GLYATL2: variants seen among roughly 807,000 people sequenced by gnomAD.
The protein encoded by GLYATL2 is glycine-N-acyltransferase like 2.
A neutral mutation model predicts 21.4 loss-of-function variants in GLYATL2; 25 were observed. The observed-to-expected ratio is 1.17, with a 90% CI of 0.85 to 1.63. The LOEUF (loss-of-function observed/expected upper bound fraction) is 1.63, where lower values mean the gene tolerates loss of function less well. Among genes scored for constraint, GLYATL2 ranks in the 40% most tolerant of loss-of-function variants. GLYATL2 has a pLI of 0.00. For missense variants in GLYATL2, 361 were observed against 343.3 expected (o/e 1.05, Z -0.41); for synonymous variants, 114 against 118.2 (o/e 0.96, Z 0.23).
At chr11:58,886,616 G>A (rs961915650) in intron 1 of GLYATL2, among the ~76,000 whole-genome samples, 2 of 152,196 alleles carry the variant, frequency 1.3e-5, no homozygotes, top group African/African-American at 4.8e-5. Flanking sequence ...ATTTTAAATA[G>A]TATCTACCAG....
intron 1 of GLYATL2, among the ~76,000 whole-genome samples, chr11:58,883,280 C>G (rs1388439187): frequency 2.0e-5 from 3 of 151,992 alleles, no homozygotes; most frequent in Non-Finnish European, 4.4e-5. Flanking sequence ...AATCCAGGAG[C>G]TGGTTTTTTG....
At chr11:58,880,215 T>G (rs1854309025) in intron 1 of GLYATL2, among the ~76,000 whole-genome samples, 1 of 152,110 alleles carries the variant, frequency 6.6e-6, no homozygotes, top group Non-Finnish European at 1.5e-5. Flanking sequence ...AGCTTCCTAA[T>G]TTAAAAAAGA....
chr11:58,871,970 A>T (rs1472213444), intron 1 of GLYATL2, among the ~76,000 whole-genome samples: 1 of 152,050 alleles, frequency 6.6e-6, no homozygotes, highest in Non-Finnish European at 1.5e-5. Context: ...TTTAATGATC[A>T]CCATTCTAAC....
intron 1 of GLYATL2, among the ~76,000 whole-genome samples, chr11:58,856,099 A>C (rs932616947): frequency 3.9e-5 from 6 of 152,162 alleles, no homozygotes; most frequent in Non-Finnish European, 8.8e-5. Flanking sequence ...GCACCACTGC[A>C]TTCCAGCCTG....
intron 1 of GLYATL2, among the ~76,000 whole-genome samples, chr11:58,903,731 T>A (rs1375513159): frequency 6.6e-6 from 1 of 152,204 alleles, no homozygotes. Flanking sequence ...ATTACCATCA[T>A]AAGTCCTAGT....
At chr11:58,900,251 A>G (rs1174243802) in intron 1 of GLYATL2, among the ~76,000 whole-genome samples, 1 of 152,226 alleles carries the variant, frequency 6.6e-6, no homozygotes, top group Non-Finnish European at 1.5e-5. Context: ...AATCCTGACA[A>G]AGCAGCCTCT....
chr11:58,853,633 C>G (rs1219859391), intron 1 of GLYATL2, among the ~76,000 whole-genome samples: 28 of 152,106 alleles, frequency 1.8e-4, no homozygotes, highest in Admixed American at 1.8e-3. Context: ...GACTCTGAAA[C>G]AAATCTATGT....
intron 1 of GLYATL2, chr11:58,893,412 T>G (rs1357882832): frequency 4.2e-6 from 1 of 235,986 alleles, no homozygotes; most frequent in Non-Finnish European, 9.4e-6. Context: ...TGGCCACCTG[T>G]GAGTGGCACC....
At chr11:58,883,787 T>A (rs893541779) in intron 1 of GLYATL2, among the ~76,000 whole-genome samples, 3 of 152,156 alleles carry the variant, frequency 2.0e-5, no homozygotes, top group Non-Finnish European at 4.4e-5. Flanking sequence ...TAGACCAATA[T>A]ACCAGATGAA....
intron 1 of GLYATL2, among the ~76,000 whole-genome samples, chr11:58,884,421 GACAA>G (rs1415918675): frequency 6.6e-6 from 1 of 152,150 alleles, no homozygotes; most frequent in Non-Finnish European, 1.5e-5. Flanking sequence ...ACCAATAACA[GACAA>G]ACAGAGAGCC....
At chr11:58,871,873 T>C (rs964660079) in intron 1 of GLYATL2, among the ~76,000 whole-genome samples, 3 of 152,234 alleles carry the variant, frequency 2.0e-5, no homozygotes. Context: ...TCTTCCACAA[T>C]GGTTGAACTA....
chr11:58,870,061 T>A (rs1048017329), intron 1 of GLYATL2, among the ~76,000 whole-genome samples: 2 of 151,918 alleles, frequency 1.3e-5, no homozygotes, highest in Admixed American at 6.6e-5. Flanking sequence ...TGAGTTATGA[T>A]CCAGCCACTG....
chr11:58,891,618 A>G (rs1347431422), intron 1 of GLYATL2, among the ~76,000 whole-genome samples: 1 of 152,230 alleles, frequency 6.6e-6, no homozygotes, highest in Non-Finnish European at 1.5e-5. Context: ...ACCCTCTAGG[A>G]CACTACAGAT....
At chr11:58,841,012 T>C (rs1432725820) in intron 1 of GLYATL2, among the ~76,000 whole-genome samples, 3 of 151,996 alleles carry the variant, frequency 2.0e-5, no homozygotes, top group Non-Finnish European at 4.4e-5. Flanking sequence ...ATATGAACTT[T>C]TGAACTTTCT....
Position 58,838,291 on chromosome 11 carries a change from G to T in GLYATL2, c.156C>A (p.Tyr52Ter). 1 of 1,613,018 alleles carries T rather than the reference G, an allele frequency of 6.2e-7. No homozygotes were observed. Among genetic ancestry groups the T allele is most frequent in the East Asian group, 2.2e-5 (1 of 44,858 alleles). ...TCTGAGGCCGGGTAATGACGATCTG[G>T]TAATCTGGCCAGGCATCTACCAGCA... ...MEVLVDAWPD[Y>*]QIVITRPQKQ... The change falls in exon 3 of 6, where the codon TAC becomes TAA. Residue 52 changes from tyrosine (Y) to a stop codon, truncating the protein, a stop_gained. Transcript: ENST00000287275. LOFTEE classifies it high-confidence loss of function.
chr11:58,877,896 G>A (rs895850031), intron 1 of GLYATL2, among the ~76,000 whole-genome samples: 7 of 152,308 alleles, frequency 4.6e-5, no homozygotes, highest in South Asian at 2.1e-4. Context: ...TTGGGTGAAC[G>A]GTAACCTACC....
At chr11:58,906,101 C>T (rs553132248), upstream of GLYATL2, among the ~76,000 whole-genome samples, 185 of 152,280 alleles carry the variant, frequency 1.2e-3, no homozygotes, top group Non-Finnish European at 1.7e-3. Flanking sequence ...TGGTCAGGCT[C>T]GCCGGTTCTT....
At chr11:58,855,772 C>A (rs1045999114) in intron 1 of GLYATL2, among the ~76,000 whole-genome samples, 1 of 152,194 alleles carries the variant, frequency 6.6e-6, no homozygotes, top group African/African-American at 2.4e-5. Flanking sequence ...GCTAGATCTT[C>A]TGGATAATCT....
chr11:58,883,471 A>T (rs957665506), intron 1 of GLYATL2, among the ~76,000 whole-genome samples: 2 of 152,212 alleles, frequency 1.3e-5, no homozygotes, highest in Non-Finnish European at 2.9e-5. Context: ...ATCTAGAAGA[A>T]ATGGATAAAT....
Sources: gnomAD v4.1 joint callset for allele counts (sites outside exome capture counted in the v4.1 genomes callset) on GRCh38, gnomAD v4.1.1 for gene constraint, MANE v1.5 for transcripts, NCBI Gene and HGNC (gene_info 2026-07-23, HGNC 2026-07-21) for gene names.